HIVEP3: variants seen among roughly 807,000 people sequenced by gnomAD.
The protein encoded by HIVEP3 is transcription factor HIVEP3.
HIVEP3 carries 49 observed loss-of-function variants against 152.8 expected under a neutral mutation model. That is an observed-to-expected ratio of 0.32 (90% CI 0.26 to 0.41). The LOEUF is 0.41. Ranked by LOEUF, HIVEP3 falls within the 10% of genes least tolerant of loss-of-function variation. The pLI is 1.00. For synonymous variants in HIVEP3, 1,269 were observed against 1,289.0 expected (o/e 0.98, Z 0.33); for missense variants, 2,790 against 3,103.3 (o/e 0.90, Z 2.40).
chr1:42,013,567 T>A (rs546523326), intron 1 of HIVEP3, among the ~76,000 whole-genome samples: 9 of 152,324 alleles, frequency 5.9e-5, no homozygotes, highest in Non-Finnish European at 1.2e-4. Context: ...AGCAATGAAT[T>A]AATAACAGAA....
chr1:41,746,996 A>G (rs931024690), intron 1 of HIVEP3, among the ~76,000 whole-genome samples: 4 of 152,134 alleles, frequency 2.6e-5, no homozygotes, highest in African/African-American at 9.7e-5. Flanking sequence ...TCCATGGGTC[A>G]GGGAGCATGA....
intron 1 of HIVEP3, among the ~76,000 whole-genome samples, chr1:41,708,285 G>A (rs1646463927): frequency 6.6e-6 from 1 of 152,202 alleles, no homozygotes; most frequent in Admixed American, 6.5e-5. Context: ...CTGTCTCTGG[G>A]TCAAGCATCA....
At chr1:41,560,449 A>G (rs116144071) in intron 5 of HIVEP3, among the ~76,000 whole-genome samples, 3,660 of 152,186 alleles carry the variant, frequency 0.024, 148 homozygotes, top group African/African-American at 0.08. Context: ...TGTTTCATGC[A>G]TCTGATTTCA....
At chr1:41,725,126 G>C (rs754007658) in intron 1 of HIVEP3, among the ~76,000 whole-genome samples, 54 of 152,204 alleles carry the variant, frequency 3.5e-4, no homozygotes, top group Non-Finnish European at 5.0e-4. Flanking sequence ...TGAAACCCAA[G>C]ACTCAACACT....
intron 5 of HIVEP3, among the ~76,000 whole-genome samples, chr1:41,546,645 C>T (rs890399593): frequency 6.6e-5 from 10 of 152,214 alleles, no homozygotes; most frequent in Non-Finnish European, 4.4e-5. Flanking sequence ...GCCAAGACTA[C>T]AAACCTAGAC....
chr1:41,988,606 A>T (rs1267250505), intron 1 of HIVEP3, among the ~76,000 whole-genome samples: 1 of 152,214 alleles, frequency 6.6e-6, no homozygotes. Context: ...GTCTTTCTAC[A>T]CTACTGATGG....
intron 1 of HIVEP3, among the ~76,000 whole-genome samples, chr1:42,005,110 T>C (rs111246170): frequency 2.0e-5 from 3 of 152,116 alleles, no homozygotes; most frequent in Non-Finnish European, 4.4e-5. Flanking sequence ...CCCTACCCCA[T>C]ACAGGGCTTG....
At chr1:41,854,156 T>G (rs1413682431) in intron 1 of HIVEP3, among the ~76,000 whole-genome samples, 1 of 152,068 alleles carries the variant, frequency 6.6e-6, no homozygotes, top group Non-Finnish European at 1.5e-5. Flanking sequence ...CCTCTCTCTC[T>G]CTCTCTCTCA....
intron 8 of HIVEP3, among the ~76,000 whole-genome samples, chr1:41,512,584 G>A (rs1642460089): frequency 6.6e-6 from 1 of 152,246 alleles, no homozygotes; most frequent in Admixed American, 6.5e-5. Context: ...GAACTCCAGA[G>A]TCCATGCTCT....
intron 3 of HIVEP3, among the ~76,000 whole-genome samples, chr1:41,608,234 T>C (rs12045563): frequency 0.34 from 51,099 of 152,098 alleles, 11,429 homozygotes; most frequent in African/African-American, 0.6. Flanking sequence ...GCAAGTCTCC[T>C]AGTAATAACC....
At chr1:41,672,808 A>G (rs1419430651) in intron 2 of HIVEP3, among the ~76,000 whole-genome samples, 1 of 152,228 alleles carries the variant, frequency 6.6e-6, no homozygotes, top group Admixed American at 6.5e-5. Context: ...AGGAAGACTC[A>G]GCCAGGGACC....
At chr1:41,538,532 C>T (rs934595987) in intron 5 of HIVEP3, among the ~76,000 whole-genome samples, 1 of 152,118 alleles carries the variant, frequency 6.6e-6, no homozygotes, top group African/African-American at 2.4e-5. Context: ...AACATCAGCT[C>T]CCAGTGGCAG....
intron 1 of HIVEP3, among the ~76,000 whole-genome samples, chr1:41,902,700 G>A (rs1469673097): frequency 6.6e-6 from 1 of 152,176 alleles, no homozygotes; most frequent in Non-Finnish European, 1.5e-5. Flanking sequence ...GCAGAGCGCC[G>A]GCAATGTCTG....
At chr1:41,673,868 C>T (rs1558168415) in intron 2 of HIVEP3, among the ~76,000 whole-genome samples, 1 of 152,188 alleles carries the variant, frequency 6.6e-6, no homozygotes, top group Non-Finnish European at 1.5e-5. Context: ...AAAGCCAGTT[C>T]GTTAAAAGCA....
chr1:41,577,569 T>A (rs917651791), intron 4 of HIVEP3, among the ~76,000 whole-genome samples: 1 of 152,180 alleles, frequency 6.6e-6, no homozygotes, highest in Admixed American at 6.5e-5. Flanking sequence ...TCTCCAGGGT[T>A]TATACGTGGA....
At chr1:41,564,947 C>T (rs1419926574) in intron 5 of HIVEP3, among the ~76,000 whole-genome samples, 1 of 152,164 alleles carries the variant, frequency 6.6e-6, no homozygotes, top group African/African-American at 2.4e-5. Flanking sequence ...CCGGGGCAGT[C>T]AGGAGCCACC....
At position 41,507,866 on chromosome 1, in the gene HIVEP3, C is replaced by T. The variant is rs1487028699; in HGVS notation, c.*2585G>A. On this transcript the variant is annotated 3_prime_UTR_variant, in exon 9 of 9. Transcript: ENST00000372583. The stretch of plus-strand genomic sequence containing the variant: ...GGCTGGTGGCATTGGTTCTGTCCCT[C>T]TGGGCACGGCATCAATGTGGAGGCA... 2 of 152,288 alleles carry T rather than the reference C, an allele frequency of 1.3e-5. No homozygotes were observed. The highest frequency in any genetic ancestry group is 2.9e-5 in the Non-Finnish European group (2 of 68,108). 9.4% of individuals were successfully genotyped at this position (152,288 alleles called of 1,614,324 possible).
intron 1 of HIVEP3, among the ~76,000 whole-genome samples, chr1:41,702,225 T>C (rs958695102): frequency 6.6e-6 from 1 of 152,088 alleles, no homozygotes. Flanking sequence ...ATCATTACTA[T>C]CAACAACAGC....
At chr1:41,984,872 G>T (rs1241690846) in intron 1 of HIVEP3, among the ~76,000 whole-genome samples, 11 of 152,016 alleles carry the variant, frequency 7.2e-5, no homozygotes, top group Non-Finnish European at 1.6e-4. Flanking sequence ...CCCTCTAGGG[G>T]CATATAATCT....
Sources: allele counts gnomAD v4.1 joint callset (sites outside exome capture counted in the v4.1 genomes callset), GRCh38; gene constraint gnomAD v4.1.1; transcripts MANE v1.5; gene names NCBI Gene and HGNC (gene_info 2026-07-23, HGNC 2026-07-21).